ADCY5: variants seen among roughly 807,000 people sequenced by gnomAD.
ADCY5 encodes adenylate cyclase type 5.
ADCY5 carries 30 observed loss-of-function variants against 119.7 expected under a neutral mutation model. The observed-to-expected ratio is 0.25, with a 90% CI of 0.19 to 0.34. The LOEUF is 0.34. Ranked by LOEUF, ADCY5 falls within the 10% of genes least tolerant of loss-of-function variation. The pLI, the probability that ADCY5 is intolerant of heterozygous loss-of-function variation, is 1.00. For synonymous variants in ADCY5, 753 were observed against 762.2 expected (o/e 0.99, Z 0.20); for missense variants, 1,324 against 1,775.2 (o/e 0.75, Z 4.57).
At chr3:123,288,977 G>A (rs987991722) in intron 19 of ADCY5, among the ~76,000 whole-genome samples, 4 of 152,176 alleles carry the variant, frequency 2.6e-5, no homozygotes, top group African/African-American at 9.7e-5. Context: ...CAGTTTGGAT[G>A]AGCAGCCACT....
intron 8 of ADCY5, among the ~76,000 whole-genome samples, chr3:123,323,588 CCTCT>C (rs1941332872): frequency 6.6e-6 from 1 of 152,014 alleles, no homozygotes; most frequent in African/African-American, 2.4e-5. Flanking sequence ...CTCAATGCCT[CCTCT>C]CTCTCGGCTC....
intron 14 of ADCY5, among the ~76,000 whole-genome samples, chr3:123,302,733 G>T (rs1455740148): frequency 6.6e-6 from 1 of 152,192 alleles, no homozygotes; most frequent in Non-Finnish European, 1.5e-5. Context: ...CTACAAAGGA[G>T]ATAATATAAT....
At chr3:123,394,613 GC>G (rs1383806451) in intron 1 of ADCY5, among the ~76,000 whole-genome samples, 1 of 152,220 alleles carries the variant, frequency 6.6e-6, no homozygotes, top group African/African-American at 2.4e-5. Flanking sequence ...GCGGGGCAGA[GC>G]CACTTTGGCA....
Position 123,284,219 on chromosome 3 carries a change from T to G in ADCY5, c.*389A>C, listed in dbSNP as rs77605511. On this transcript the variant is annotated 3_prime_UTR_variant, in exon 21 of 21. Transcript: ENST00000462833. ...GCCCCCTAGGCTCTCCCAGGCCACA[T>G]TCGAGCCCGTCTACCCCCAGCTGAG... 0.012 allele frequency: 2,120 copies of G among 180,520 alleles called. 47 individuals are homozygous for G. Among genetic ancestry groups the G allele is most frequent in the African/African-American group, 0.046 (1,940 of 42,364 alleles). The allele number at this position is 180,520 out of a possible 1,614,324, so 11.2% of individuals were successfully genotyped here.
chr3:123,347,924 T>G, intron 2 of ADCY5, 21 bp from the exon 3 acceptor site: 2 of 1,613,874 alleles, frequency 1.2e-6, no homozygotes, highest in Non-Finnish European at 1.7e-6. Context: ...AAGCACATGC[T>G]TTCATCACCA....
chr3:123,342,714 T>G (rs914593374), intron 3 of ADCY5, among the ~76,000 whole-genome samples: 1 of 148,772 alleles, frequency 6.7e-6, no homozygotes, highest in Non-Finnish European at 1.5e-5. Flanking sequence ...CTACGACCTT[T>G]AAAACCTCAG....
chr3:123,381,730 C>T (rs747533898), intron 1 of ADCY5, among the ~76,000 whole-genome samples: 2 of 152,218 alleles, frequency 1.3e-5, no homozygotes, highest in African/African-American at 4.8e-5. Flanking sequence ...TGGCTTCCAT[C>T]GCTCCTGAGA....
intron 1 of ADCY5, among the ~76,000 whole-genome samples, chr3:123,442,438 C>T (rs1038275463): frequency 1.3e-5 from 2 of 152,240 alleles, no homozygotes; most frequent in African/African-American, 4.8e-5. Flanking sequence ...TCCAGCCACA[C>T]CCTCGGACAG....
At chr3:123,320,994 C>T (rs1363666848) in intron 8 of ADCY5, among the ~76,000 whole-genome samples, 1 of 152,114 alleles carries the variant, frequency 6.6e-6, no homozygotes, top group Non-Finnish European at 1.5e-5. Flanking sequence ...CGGGGATGCC[C>T]TGAGATTTCA....
chr3:123,308,041 TTTTTTTTTTTGAGACAGAG>T (rs1940300495), intron 12 of ADCY5, among the ~76,000 whole-genome samples: 1 of 140,800 alleles, frequency 7.1e-6, no homozygotes, highest in Non-Finnish European at 1.5e-5. Context: ...TTTTTTTTTT[TTTTTTTTTTTGAGACAGAG>T]TCTCGCTCTG....
chr3:123,351,144 G>A (rs970081858), intron 2 of ADCY5, among the ~76,000 whole-genome samples: 1 of 152,174 alleles, frequency 6.6e-6, no homozygotes, highest in Non-Finnish European at 1.5e-5. Flanking sequence ...AAGACATGGC[G>A]ACCACCGAGG....
At position 123,372,496 on chromosome 3, in the gene ADCY5, A is replaced by G. The variant is rs539945467; in HGVS notation, c.1135-19915T>C. Among the ~76,000 whole-genome samples the G allele has an allele frequency of 9.9e-5, 15 of 152,280 alleles. No homozygotes were observed. The East Asian group carries it at 2.7e-3, about 27-fold the overall frequency. On this transcript the variant is annotated intron_variant, in intron 1 of 20. Transcript: ENST00000462833. ...TGGAGGAAGCAGCACCCCTTCCCAG[A>G]GGGAAAAAGCCCCGAGTCCTCAGAA...
chr3:123,447,952 CCCCGCG>C lies in ADCY5; in HGVS notation c.588_593del (p.Ala197_Gly198del). On this transcript the variant is annotated inframe_deletion, in exon 1 of 21. Coordinates refer to ENST00000462833, the MANE Select transcript of ADCY5 (RefSeq NM_183357.3). ...CGCCCAGGGACAGCACCGCGCCGGGCCCCGCGCCCGAGCCCGAGTCCGCCGAGCTGC... is the reference window on the plus strand; with the variant it reads ...CGCCCAGGGACAGCACCGCGCCGGGCCCCGAGCCCGAGTCCGCCGAGCTGC... The C allele has an allele frequency of 6.6e-7, 1 of 1,520,814 alleles. No homozygotes were observed. The highest frequency in any genetic ancestry group is 8.8e-7 in the Non-Finnish European group (1 of 1,134,154). The allele number at this position is 1,520,814 out of a possible 1,614,324, so 94.2% of individuals were successfully genotyped here. A position where few individuals can be genotyped will look rare whatever the true frequency, so the allele number is the denominator to read the frequency against.
At chr3:123,432,213 C>T (rs1282313939) in intron 1 of ADCY5, among the ~76,000 whole-genome samples, 1 of 152,196 alleles carries the variant, frequency 6.6e-6, no homozygotes, top group Non-Finnish European at 1.5e-5. Context: ...CCTGGGACTG[C>T]TTTGAAAAGA....
At chr3:123,285,387 C>T (rs1296129657) in intron 20 of ADCY5, among the ~76,000 whole-genome samples, 2 of 152,156 alleles carry the variant, frequency 1.3e-5, no homozygotes, top group East Asian at 1.9e-4. Flanking sequence ...GAGAGCTCAC[C>T]GATGGCCTCA....
intron 1 of ADCY5, among the ~76,000 whole-genome samples, chr3:123,432,939 A>G (rs1945549105): frequency 6.6e-6 from 1 of 152,182 alleles, no homozygotes; most frequent in Admixed American, 6.5e-5. Context: ...TTCCTGCCAA[A>G]GTCAGAACTC....
intron 1 of ADCY5, among the ~76,000 whole-genome samples, chr3:123,354,417 A>G (rs1415990951): frequency 1.3e-5 from 2 of 152,214 alleles, no homozygotes; most frequent in Non-Finnish European, 2.9e-5. Context: ...CTCAGAAGGA[A>G]GAGCCCCTAA....
At chr3:123,406,616 T>C (rs1454476916) in intron 1 of ADCY5, among the ~76,000 whole-genome samples, 1 of 152,164 alleles carries the variant, frequency 6.6e-6, no homozygotes, top group Non-Finnish European at 1.5e-5. Flanking sequence ...CCTCCTGAAA[T>C]TGGGCTCTTG....
chr3:123,317,935 C>G (rs768845110), intron 11 of ADCY5, 85 bp downstream of exon 11: 1 of 1,266,462 alleles, frequency 7.9e-7, no homozygotes, highest in Non-Finnish European at 1.1e-6. Context: ...ACTCCCTGCT[C>G]TGTTCTCCTA....
Sources: allele counts gnomAD v4.1 joint callset (sites outside exome capture counted in the v4.1 genomes callset), GRCh38; gene constraint gnomAD v4.1.1; transcripts MANE v1.5; gene names NCBI Gene and HGNC (gene_info 2026-07-23, HGNC 2026-07-21).